Variants in SHISAL2B observed in about 807,000 individuals in gnomAD.
The protein encoded by SHISAL2B is protein shisa-like-2B.
A neutral mutation model predicts 16.5 loss-of-function variants in SHISAL2B; 12 were observed. That is an observed-to-expected ratio of 0.73 (90% confidence interval 0.47 to 1.18). The LOEUF is 1.18. Ranked by LOEUF, SHISAL2B falls within the 50% of genes most tolerant of loss-of-function variation. SHISAL2B has a pLI of 0.00. For missense variants in SHISAL2B, 183 were observed against 193.6 expected (o/e 0.95, Z 0.33); for synonymous variants, 72 against 75.0 (o/e 0.96, Z 0.21).
At chr5:64,703,792 G>T (rs1251666937) in intron 2 of SHISAL2B, among the ~76,000 whole-genome samples, 1 of 152,084 alleles carries the variant, frequency 6.6e-6, no homozygotes, top group African/African-American at 2.4e-5. Flanking sequence ...CAGCAAAAGG[G>T]CAAGTCCAAG....
At chr5:64,702,030 T>G (rs2112062721) in intron 2 of SHISAL2B, among the ~76,000 whole-genome samples, 1 of 152,276 alleles carries the variant, frequency 6.6e-6, no homozygotes, top group African/African-American at 2.4e-5. Flanking sequence ...AGTTTCTTTT[T>G]TTGTGGTTTC....
At chr5:64,696,024 C>T (rs1444679500) in intron 2 of SHISAL2B, among the ~76,000 whole-genome samples, 14 of 152,152 alleles carry the variant, frequency 9.2e-5, no homozygotes, top group Non-Finnish European at 2.1e-4. Flanking sequence ...AAGTCAGGGA[C>T]CCTGAACAGA....
At chr5:64,699,323 T>C (rs60400205) in intron 2 of SHISAL2B, among the ~76,000 whole-genome samples, 1 of 152,202 alleles carries the variant, frequency 6.6e-6, no homozygotes, top group Non-Finnish European at 1.5e-5. Context: ...GAGCCCAAAA[T>C]AAAAATAGTT....
In SHISAL2B at chr5:64,695,535, G is replaced by A. The variant is rs1233766960; in HGVS notation, c.220G>A (p.Ala74Thr). Reference sequence around the variant, plus strand: ...TGGTGCCTTGATTGGACTAGGAATTGCTGCCCTTGTTTTACTCGCCTTTGT... The same window carrying A: ...TGGTGCCTTGATTGGACTAGGAATTACTGCCCTTGTTTTACTCGCCTTTGT... ...SIGALIGLGI[A>T]ALVLLAFVIS... The change falls in exon 2 of 3, where the codon GCT becomes ACT. Residue 74 changes from alanine to threonine, a missense_variant. By Grantham distance (58) the Ala-to-Thr change is moderately conservative (BLOSUM62 0). Transcript: ENST00000389074. 6.5e-7 allele frequency: 1 copy of A among 1,535,464 alleles called. No individual in the cohort carries two copies. Among genetic ancestry groups the A allele is most frequent in the Admixed American group, 2.0e-5 (1 of 50,700 alleles).
Position 64,695,633 on chromosome 5 carries a change from T to C in SHISAL2B, c.318T>C (p.Leu106=), listed in dbSNP as rs1439827960. 3.9e-6 allele frequency: 6 copies of C among 1,535,744 alleles called. No individual in the cohort carries two copies. The highest frequency in any genetic ancestry group is 5.2e-6 in the Non-Finnish European group (6 of 1,146,170). ...AAAGATTAGACACTGGCCTTAAGCTTCAACACTTAGAGGCTTCTTCCACTC... is the reference window on the plus strand; with the variant it reads ...AAAGATTAGACACTGGCCTTAAGCTCCAACACTTAGAGGCTTCTTCCACTC... ...KPQRLDTGLK[L]QHLEASSTQE... The change falls in exon 2 of 3, where the codon CTT becomes CTC. Residue 106 remains leucine, a synonymous_variant. Coordinates refer to ENST00000389074, the MANE Select transcript of SHISAL2B (RefSeq NM_001164442.2).
chr5:64,699,545 A>C (rs1293444844), intron 2 of SHISAL2B, among the ~76,000 whole-genome samples: 2 of 152,250 alleles, frequency 1.3e-5, no homozygotes, highest in Admixed American at 1.3e-4. Context: ...TAGGAATATA[A>C]TAGAATATTT....
chr5:64,709,569 G>A (rs1040354154), intron 2 of SHISAL2B, among the ~76,000 whole-genome samples: 7 of 151,188 alleles, frequency 4.6e-5, no homozygotes, highest in Non-Finnish European at 1.0e-4. Context: ...GGGATGGCTG[G>A]GTCAAATGGT....
chr5:64,694,150 T>C (rs1409184479), intron 1 of SHISAL2B: 1 of 453,680 alleles, frequency 2.2e-6, no homozygotes, highest in East Asian at 7.0e-5. Flanking sequence ...GCCAGGAAGA[T>C]AATGAAGAAA....
chr5:64,692,386 C>A (rs1741663822), intron 1 of SHISAL2B, among the ~76,000 whole-genome samples: 1 of 152,188 alleles, frequency 6.6e-6, no homozygotes, highest in Admixed American at 6.5e-5. Flanking sequence ...GGTCTTCATT[C>A]AGTACTGACA....
In SHISAL2B at chr5:64,690,811, T is replaced by C; in HGVS notation, c.188T>C (p.Leu63Pro). Residue 63 changes from leucine (L) to proline (P), a missense_variant, in exon 1 of 3, where the codon CTC becomes CCC. Physicochemically the swap from Leu to Pro is moderately conservative, Grantham distance 98 (BLOSUM62 -3). Transcript: ENST00000389074. ...TACAAGCACAGCTACATGTGGAGCC[T>C]CAGGTGGGCTGAGAGCCCGCGCGTG... is the stretch of plus-strand genomic sequence containing the variant. ...FPYKHSYMWS[L>P]SIGALIGLGI... 6.6e-7 allele frequency: 1 copy of C among 1,517,728 alleles called. No homozygotes were observed. The highest frequency in any genetic ancestry group is 2.5e-5 in the East Asian group (1 of 39,664). The allele number at this position is 1,517,728 out of a possible 1,614,324, so 94.0% of individuals were successfully genotyped here.
At chr5:64,696,601 C>T (rs1376970521) in intron 2 of SHISAL2B, among the ~76,000 whole-genome samples, 4 of 152,118 alleles carry the variant, frequency 2.6e-5, no homozygotes, top group Non-Finnish European at 4.4e-5. Flanking sequence ...GGTCTATAAA[C>T]AGCCGGTCTG....
At chr5:64,716,268 T>A (rs989302395) in intron 2 of SHISAL2B, among the ~76,000 whole-genome samples, 4 of 152,228 alleles carry the variant, frequency 2.6e-5, no homozygotes, top group Non-Finnish European at 4.4e-5. Flanking sequence ...GCTCTAAATA[T>A]TTTTTGCTAG....
intron 2 of SHISAL2B, among the ~76,000 whole-genome samples, chr5:64,708,884 G>A (rs1183337037): frequency 3.3e-5 from 5 of 152,066 alleles, no homozygotes; most frequent in Non-Finnish European, 7.4e-5. Flanking sequence ...AAATAGTTCA[G>A]AAGAGAAGTA....
intron 2 of SHISAL2B, among the ~76,000 whole-genome samples, chr5:64,715,883 C>G (rs1323713701): frequency 1.3e-5 from 2 of 152,080 alleles, no homozygotes; most frequent in Non-Finnish European, 1.5e-5. Flanking sequence ...ACTTTCATTT[C>G]TTGGTATTTA....
At chr5:64,714,513 C>T (rs1287792911) in intron 2 of SHISAL2B, among the ~76,000 whole-genome samples, 1 of 151,714 alleles carries the variant, frequency 6.6e-6, no homozygotes, top group African/African-American at 2.4e-5. Flanking sequence ...GCCCTGCCCC[C>T]AGAGGTGGAG....
chr5:64,691,817 C>T (rs889463023), intron 1 of SHISAL2B, among the ~76,000 whole-genome samples: 6 of 152,140 alleles, frequency 3.9e-5, no homozygotes, highest in Admixed American at 3.9e-4. Context: ...TTGTTTTGTA[C>T]ATATTCATTA....
intron 1 of SHISAL2B, among the ~76,000 whole-genome samples, chr5:64,693,229 A>C (rs275825): frequency 2.6e-5 from 4 of 151,748 alleles, no homozygotes; most frequent in African/African-American, 4.8e-5. Flanking sequence ...GGATGGTCTC[A>C]ATCTCCTGAC....
chr5:64,696,919 T>C (rs565913899), intron 2 of SHISAL2B, among the ~76,000 whole-genome samples: 1 of 152,224 alleles, frequency 6.6e-6, no homozygotes, highest in Non-Finnish European at 1.5e-5. Flanking sequence ...CTTTTTGCCC[T>C]TTGACGCTTG....
At chr5:64,707,376 G>A (rs758263914) in intron 2 of SHISAL2B, among the ~76,000 whole-genome samples, 1 of 152,146 alleles carries the variant, frequency 6.6e-6, no homozygotes, top group Non-Finnish European at 1.5e-5. Flanking sequence ...CTGTTAGAAT[G>A]TGACATTCTT....
Sources: allele counts gnomAD v4.1 joint callset (sites outside exome capture counted in the v4.1 genomes callset), GRCh38; gene constraint gnomAD v4.1.1; transcripts MANE v1.5; gene names NCBI Gene and HGNC (gene_info 2026-07-23, HGNC 2026-07-21).